The following PCDHGA11 variants were observed in gnomAD, a reference collection of about 807,000 sequenced individuals.
PCDHGA11 encodes protocadherin gamma subfamily A, 11, also known as protocadherin gamma-A11.
PCDHGA11 carries 39 observed loss-of-function variants against 60.4 expected under a neutral mutation model. That is an observed-to-expected ratio of 0.65 (90% CI 0.50 to 0.84). PCDHGA11 has a LOEUF of 0.84. PCDHGA11 is among the 40% of genes least tolerant of loss of function. PCDHGA11 has a pLI of 0.00. For synonymous variants in PCDHGA11, 533 were observed against 510.3 expected, an observed-to-expected ratio of 1.04 and a Z score of -0.60; for missense variants, 1,165 against 1,197.7, an observed-to-expected ratio of 0.97 and a Z score of 0.40.
Position 141,486,682 on chromosome 5 carries a change from A to C in PCDHGA11, c.2434-8125A>C, listed in dbSNP as rs781547951. 1.4e-5 allele frequency: 22 copies of C among 1,614,064 alleles called. No individual in the cohort carries two copies. The African/African-American group carries it at 2.3e-4, about 17-fold the overall frequency. ...TGGAGCCCAGGAATCGAGATGTATC[A>C]GCTTCCTCTTTCATCTCTCTGAACC... On this transcript the variant is annotated intron_variant, in intron 1 of 3. Coordinates refer to ENST00000398587, the MANE Select transcript of PCDHGA11 (RefSeq NM_018914.3). The surrounding 1 kb of genome is among the most constrained non-coding windows in gnomAD (Gnocchi z 5.0).
At position 141,489,664 on chromosome 5, in the gene PCDHGA11, A is replaced by G. The variant is rs745597010; in HGVS notation, c.2434-5143A>G. On this transcript the variant is annotated intron_variant, in intron 1 of 3. Transcript: ENST00000398587. The surrounding 1 kb of genome is among the most constrained non-coding windows in gnomAD (Gnocchi z 4.5). ...TGCCACCCCTGAGCGAGAGATGCGCATCTCAGAATCAGCAGCATCTGGGGC... is the reference window on the plus strand; with the variant it reads ...TGCCACCCCTGAGCGAGAGATGCGCGTCTCAGAATCAGCAGCATCTGGGGC... 1 of 1,614,106 alleles carries G rather than the reference A, an allele frequency of 6.2e-7. No homozygotes were observed. The highest frequency in any genetic ancestry group is 8.5e-7 in the Non-Finnish European group (1 of 1,180,050).
Position 141,476,441 on chromosome 5 carries a change from GAGTTGGT to G in PCDHGA11, c.2434-18362_2434-18356del. 3 of 1,614,160 alleles carry G rather than the reference GAGTTGGT, an allele frequency of 1.9e-6. No homozygotes were observed. The South Asian group carries it at 3.3e-5, about 18-fold the overall frequency. ...ACTGCCCTCTTGCACTGTAACTCTG[GAGTTGGT>G]AGTGGAGAACCCGCTGGAGCTGTTC... On this transcript the variant is annotated intron_variant, in intron 1 of 3. Transcript: ENST00000398587. The surrounding 1 kb of genome is among the most constrained non-coding windows in gnomAD (Gnocchi z 7.6).
chr5:141,471,964 T>C lies in PCDHGA11; in HGVS notation c.2434-22843T>C, dbSNP rs138170906. Among the ~76,000 whole-genome samples, 591 of 152,278 alleles carry C rather than the reference T, an allele frequency of 3.9e-3. 6 individuals are homozygous for C. Among genetic ancestry groups the C allele is most frequent in the Admixed American group, 0.011 (171 of 15,292 alleles). On this transcript the variant is annotated intron_variant, in intron 1 of 3. Transcript: ENST00000398587. ...TCTAAAACTGGATTGTGGGGTTGGT[T>C]GCATTACTGTATAAATTTATTAAAA...
At chr5:141,475,145 C>T (rs1214674720) in intron 1 of PCDHGA11, among the ~76,000 whole-genome samples, 2 of 151,980 alleles carry the variant, frequency 1.3e-5, no homozygotes, top group Non-Finnish European at 1.5e-5. Flanking sequence ...AAATCTTCTC[C>T]GTCTTCTTCT....
intron 1 of PCDHGA11, among the ~76,000 whole-genome samples, chr5:141,452,815 A>G (rs1199990390): frequency 6.6e-6 from 1 of 152,186 alleles, no homozygotes; most frequent in Admixed American, 6.5e-5. Flanking sequence ...TTTGTTCATA[A>G]GAAGCAAAAT....
At position 141,486,027 on chromosome 5, in the gene PCDHGA11, C is replaced by A. The variant is rs2099623152; in HGVS notation, c.2434-8780C>A. 2 of 1,614,048 alleles carry A rather than the reference C, an allele frequency of 1.2e-6. No individual in the cohort carries two copies. Among genetic ancestry groups the A allele is most frequent in the African/African-American group, 2.7e-5 (2 of 74,912 alleles). On this transcript the variant is annotated intron_variant, in intron 1 of 3. Coordinates refer to ENST00000398587, the MANE Select transcript of PCDHGA11 (RefSeq NM_018914.3). The surrounding 1 kb of genome is among the most constrained non-coding windows in gnomAD (Gnocchi z 5.0). ...GTCACCTTTTATTTCAGTGGTCATA[C>A]CCCTGATCGTGTAAGAAACCTCTTT...
chr5:141,421,414 C>G lies in PCDHGA11; in HGVS notation c.187C>G (p.Arg63Gly). 1 of 1,614,066 alleles carries G rather than the reference C, an allele frequency of 6.2e-7. No homozygotes were observed. The highest frequency in any genetic ancestry group is 8.5e-7 in the Non-Finnish European group (1 of 1,179,916). ...LGLEPRELAK[R>G]GVRIVSRGKT... ...GCTGGAGCCCCGGGAGCTGGCGAAG[C>G]GCGGAGTCCGCATCGTCTCCAGAGG... is the stretch of plus-strand genomic sequence containing the variant. Residue 63 changes from arginine to glycine, a missense_variant, in exon 1 of 4, where the codon CGC (arginine) becomes GGC (glycine). Transcript: ENST00000398587.
At chr5:141,464,279 C>CAAA (rs373828487) in intron 1 of PCDHGA11, among the ~76,000 whole-genome samples, 8 of 137,748 alleles carry the variant, frequency 5.8e-5, no homozygotes, top group Admixed American at 1.5e-4. Flanking sequence ...AAAAAAAAAG[C>CAAA]AAAAAAAAAA....
intron 1 of PCDHGA11, among the ~76,000 whole-genome samples, chr5:141,459,838 A>G (rs944807247): frequency 6.6e-6 from 1 of 152,098 alleles, no homozygotes; most frequent in Non-Finnish European, 1.5e-5. Flanking sequence ...TGTGTTGTCT[A>G]TTTGTATATC....
At chr5:141,433,066 C>A in intron 1 of PCDHGA11, 2 of 1,614,210 alleles carry the variant, frequency 1.2e-6, no homozygotes, top group Non-Finnish European at 1.7e-6. Context: ...GTCACCTGAT[C>A]TTCCCCCAGC....
intron 1 of PCDHGA11, among the ~76,000 whole-genome samples, chr5:141,451,001 A>AT (rs1164946963): frequency 2.0e-5 from 3 of 148,376 alleles, no homozygotes; most frequent in South Asian, 2.1e-4. Context: ...ATTTTTTTGT[A>AT]TTTTTTTTAG....
In PCDHGA11 at chr5:141,476,875, C is replaced by T; in HGVS notation, c.2434-17932C>T. On this transcript the variant is annotated intron_variant, in intron 1 of 3. Coordinates refer to ENST00000398587, the MANE Select transcript of PCDHGA11 (RefSeq NM_018914.3). The surrounding 1 kb of genome is among the most constrained non-coding windows in gnomAD (Gnocchi z 7.6). ...ACCAGTCCTTGTACCGGGCGCGCGT[C>T]CTGGAGGATGCACCCTCCGGCACGC... 2 of 1,613,928 alleles carry T rather than the reference C, an allele frequency of 1.2e-6. No homozygotes were observed. Among genetic ancestry groups the T allele is most frequent in the Non-Finnish European group, 1.7e-6 (2 of 1,180,044 alleles).
intron 1 of PCDHGA11, chr5:141,428,516 G>A (rs763205471): frequency 3.6e-6 from 1 of 281,256 alleles, no homozygotes; most frequent in Non-Finnish European, 7.0e-6. Context: ...TCTAGAAAAA[G>A]AAGATTTAAT....
rs564486909 is a variant in PCDHGA11, at chr5:141,428,072, G to A, written c.2433+4412G>A. The A allele has an allele frequency of 1.6e-5, 25 of 1,609,080 alleles. No individual in the cohort carries two copies. The South Asian group carries it at 1.9e-4, about 12-fold the overall frequency. On this transcript the variant is annotated intron_variant, in intron 1 of 3. Coordinates refer to ENST00000398587, the MANE Select transcript of PCDHGA11 (RefSeq NM_018914.3). The stretch of plus-strand genomic sequence containing the variant: ...AGGTGGTGGCGGTGGACGCAGATTC[G>A]GGACACAACGCTTGGCTGTCCTACC...
In PCDHGA11 at chr5:141,423,264, C is replaced by G. The variant is rs1452323474; in HGVS notation, c.2037C>G (p.Leu679=). The G allele has an allele frequency of 6.2e-7, 1 of 1,613,986 alleles. No individual in the cohort carries two copies. The part of the protein sequence containing the change: ...IPEVLADLGS[L]ESLANSETSD... The stretch of plus-strand genomic sequence containing the variant: ...AAGTCCTGGCGGACCTCGGCAGCCT[C>G]GAGTCTCTGGCTAACTCTGAAACCT... Residue 679 remains leucine, a synonymous_variant, in exon 1 of 4, where the codon CTC becomes CTG. Coordinates refer to ENST00000398587, the MANE Select transcript of PCDHGA11 (RefSeq NM_018914.3).
Position 141,431,994 on chromosome 5 carries a change from G to A in PCDHGA11, c.2433+8334G>A, listed in dbSNP as rs2097434865. ...TTAGTCACAGACATAGTCTTGGATA[G>A]GGAACAGGTTCCTAGCTACAACATC... On this transcript the variant is annotated intron_variant, in intron 1 of 3. Coordinates refer to ENST00000398587, the MANE Select transcript of PCDHGA11 (RefSeq NM_018914.3). The surrounding 1 kb of genome is among the most constrained non-coding windows in gnomAD (Gnocchi z 4.8). 6.2e-7 allele frequency: 1 copy of A among 1,614,188 alleles called. No homozygotes were observed. Among genetic ancestry groups the A allele is most frequent in the Non-Finnish European group, 8.5e-7 (1 of 1,180,038 alleles).
At position 141,486,905 on chromosome 5, in the gene PCDHGA11, C is replaced by G. The variant is rs1463391292; in HGVS notation, c.2434-7902C>G. On this transcript the variant is annotated intron_variant, in intron 1 of 3. Coordinates refer to ENST00000398587, the MANE Select transcript of PCDHGA11 (RefSeq NM_018914.3). This position sits in a 1 kb window ranked among gnomAD's most constrained non-coding sequence, Gnocchi z 5.0. ...GGCCCGGCCTGGTTCCTTATGTCCC[C>G]AAGCACTGCCTCCATCAGTTGGTGC... 1 of 1,614,250 alleles carries G rather than the reference C, an allele frequency of 6.2e-7. No individual in the cohort carries two copies. The highest frequency in any genetic ancestry group is 1.3e-5 in the African/African-American group (1 of 75,066).
At chr5:141,481,587 G>A (rs1276529821) in intron 1 of PCDHGA11, among the ~76,000 whole-genome samples, 1 of 152,198 alleles carries the variant, frequency 6.6e-6, no homozygotes, top group African/African-American at 2.4e-5. Context: ...GGAGGCTGAG[G>A]CCAGCGGATC....
intron 1 of PCDHGA11, among the ~76,000 whole-genome samples, chr5:141,447,542 T>G (rs980012061): frequency 1.3e-5 from 2 of 152,216 alleles, no homozygotes; most frequent in African/African-American, 4.8e-5. Context: ...TGGGTTTTAA[T>G]GTTATGAGTA....
Sources: gnomAD v4.1 joint callset for allele counts (sites outside exome capture counted in the v4.1 genomes callset) on GRCh38, gnomAD v4.1.1 for gene constraint, Gnocchi (gnomAD v3.1) non-coding constraint, MANE v1.5 for transcripts, NCBI Gene and HGNC (gene_info 2026-07-23, HGNC 2026-07-21) for gene names.